SPOP: variants seen among roughly 807,000 people sequenced by gnomAD.
SPOP encodes the protein speckle-type POZ protein.
Under a neutral mutation model 45.6 loss-of-function variants are expected in SPOP, and 11 were observed. The ratio of observed to expected loss-of-function variants is 0.24; its 90% CI spans 0.15 to 0.40. The LOEUF (loss-of-function observed/expected upper bound fraction) is 0.40. SPOP is among the 10% of genes least tolerant of loss of function. The pLI is 1.00. For synonymous variants in SPOP, 166 were observed against 166.3 expected (o/e 1.00, Z 0.01); for missense variants, 152 against 465.6 (o/e 0.33, Z 6.20).
intron 1 of SPOP, 42 bp downstream of exon 1, chr17:49,677,891 G>A (rs1039902480): frequency 2.6e-4 from 38 of 147,744 alleles, no homozygotes; most frequent in Non-Finnish European, 4.3e-4. Context: ...CCCCCACTCC[G>A]ACAGGACAAC....
rs2071703310 is a variant in SPOP, at chr17:49,599,587, C to T, written c.*791G>A. The T allele has an allele frequency of 4.6e-6, 1 of 216,154 alleles. No homozygotes were observed. The highest frequency in any genetic ancestry group is 2.3e-5 in the African/African-American group (1 of 44,242). The allele number at this position is 216,154 out of a possible 1,614,324, so 13.4% of individuals were successfully genotyped here. ...GAGAAAAATGCCCAAAAACATTTTC[C>T]ACAATATCTAAAAACAGAGAACCAT... On this transcript the variant is annotated 3_prime_UTR_variant, in exon 10 of 10. Coordinates refer to ENST00000504102, the MANE Select transcript of SPOP (RefSeq NM_001007228.2).
At chr17:49,655,317 C>T (rs1567798012) in intron 1 of SPOP, among the ~76,000 whole-genome samples, 1 of 152,082 alleles carries the variant, frequency 6.6e-6, no homozygotes, top group Non-Finnish European at 1.5e-5. Context: ...CGAGACCATC[C>T]TGGCTAACAC....
At chr17:49,669,888 A>T (rs1189284455) in intron 1 of SPOP, among the ~76,000 whole-genome samples, 1 of 152,142 alleles carries the variant, frequency 6.6e-6, no homozygotes, top group East Asian at 1.9e-4. Context: ...GAATATATAA[A>T]TCTCAATTTG....
chr17:49,665,377 G>A (rs1007224602), intron 1 of SPOP, among the ~76,000 whole-genome samples: 1 of 152,108 alleles, frequency 6.6e-6, no homozygotes, highest in Non-Finnish European at 1.5e-5. Flanking sequence ...CACTTTGGGA[G>A]GCCAAGGCGG....
chr17:49,676,318 G>GAT (rs1192065392), intron 1 of SPOP, among the ~76,000 whole-genome samples: 1 of 152,148 alleles, frequency 6.6e-6, no homozygotes, highest in Non-Finnish European at 1.5e-5. Context: ...TTCCCAGGAA[G>GAT]ATATATGCAC....
At chr17:49,638,150 T>A (rs1229098593) in intron 1 of SPOP, among the ~76,000 whole-genome samples, 2 of 152,212 alleles carry the variant, frequency 1.3e-5, no homozygotes, top group African/African-American at 4.8e-5. Context: ...ATCTACCATA[T>A]CCTACAAAGT....
chr17:49,647,411 C>T (rs964908431), intron 1 of SPOP, among the ~76,000 whole-genome samples: 2 of 146,026 alleles, frequency 1.4e-5, no homozygotes, highest in Non-Finnish European at 1.5e-5. Context: ...TTAATGGGTT[C>T]GTGTCTACTT....
rs1332200541 is a variant in SPOP, at chr17:49,600,280, A to T, written c.*98T>A. On this transcript the variant is annotated 3_prime_UTR_variant, in exon 10 of 10. Transcript: ENST00000504102. The surrounding 1 kb of genome is among the most constrained non-coding windows in gnomAD (Gnocchi z 4.2). ...CAGTCTCTTCCCCTCACAACAGAGT[A>T]AAAGCTCCACAGATTGCGCTGTCTA... The T allele has an allele frequency of 1.3e-6, 2 of 1,515,254 alleles. No homozygotes were observed. Among genetic ancestry groups the T allele is most frequent in the Non-Finnish European group, 1.8e-6 (2 of 1,103,134 alleles). 93.9% of individuals were successfully genotyped at this position (1,515,254 alleles called of 1,614,324 possible).
At chr17:49,665,519 G>GC (rs960743225) in intron 1 of SPOP, among the ~76,000 whole-genome samples, 3 of 151,962 alleles carry the variant, frequency 2.0e-5, no homozygotes, top group African/African-American at 7.3e-5. Flanking sequence ...GGAGGCTGAG[G>GC]CAGGAGAATG....
chr17:49,626,844 T>C (rs2072340776), intron 1 of SPOP, among the ~76,000 whole-genome samples: 1 of 152,124 alleles, frequency 6.6e-6, no homozygotes, highest in Non-Finnish European at 1.5e-5. Flanking sequence ...TCATAAACAC[T>C]ATCTTACAGG....
chr17:49,655,344 G>A (rs1267553360), intron 1 of SPOP, among the ~76,000 whole-genome samples: 5 of 151,866 alleles, frequency 3.3e-5, no homozygotes, highest in Admixed American at 2.0e-4. Flanking sequence ...ACCCCGTCTC[G>A]ACTGAAAATA....
chr17:49,667,867 A>G (rs1198950783), intron 1 of SPOP, among the ~76,000 whole-genome samples: 1 of 152,252 alleles, frequency 6.6e-6, no homozygotes, highest in Non-Finnish European at 1.5e-5. Flanking sequence ...CAACAGATAA[A>G]GGGATAAACA....
At chr17:49,622,390 T>A (rs2143298247) in intron 2 of SPOP, 1 of 520,802 alleles carries the variant, frequency 1.9e-6, no homozygotes, top group Non-Finnish European at 3.5e-6. Context: ...TTAAAATGGG[T>A]CTCTGTTATT....
At chr17:49,646,941 A>C (rs905131774) in intron 1 of SPOP, among the ~76,000 whole-genome samples, 1 of 152,116 alleles carries the variant, frequency 6.6e-6, no homozygotes, top group Non-Finnish European at 1.5e-5. Flanking sequence ...AAAGATACTT[A>C]TATTCTCTAG....
chr17:49,640,993 T>C (rs2072636001), intron 1 of SPOP, among the ~76,000 whole-genome samples: 1 of 152,190 alleles, frequency 6.6e-6, no homozygotes, highest in South Asian at 2.1e-4. Flanking sequence ...CTGAGCGTGG[T>C]GGCTCACGCC....
intron 1 of SPOP, among the ~76,000 whole-genome samples, chr17:49,671,914 G>A (rs1007186478): frequency 1.3e-5 from 2 of 152,164 alleles, no homozygotes; most frequent in Non-Finnish European, 2.9e-5. Context: ...GCCGAGGCAG[G>A]TGGATCACAA....
At chr17:49,675,996 G>A (rs530369870) in intron 1 of SPOP, 1 of 152,104 alleles carries the variant, frequency 6.6e-6, no homozygotes, top group Admixed American at 6.5e-5. Flanking sequence ...CTCCAGCCTG[G>A]GTGACAGAGC....
intron 1 of SPOP, among the ~76,000 whole-genome samples, chr17:49,659,960 T>C (rs1201575646): frequency 6.6e-6 from 1 of 152,200 alleles, no homozygotes; most frequent in Non-Finnish European, 1.5e-5. Context: ...ACTCAATCTA[T>C]AATTAAATGA....
chr17:49,644,544 TG>T (rs989627732), intron 1 of SPOP, among the ~76,000 whole-genome samples: 1 of 152,060 alleles, frequency 6.6e-6, no homozygotes, highest in Non-Finnish European at 1.5e-5. Flanking sequence ...TGTAATGTAA[TG>T]GGGGGTAAAA....
Sources: allele counts gnomAD v4.1 joint callset (sites outside exome capture counted in the v4.1 genomes callset), GRCh38; gene constraint gnomAD v4.1.1; non-coding constraint Gnocchi (gnomAD v3.1); transcripts MANE v1.5; gene names NCBI Gene and HGNC (gene_info 2026-07-23, HGNC 2026-07-21).